Variants in DEUP1 observed in about 807,000 individuals in gnomAD.
The protein encoded by DEUP1 is coiled-coil domain containing 67.
A neutral mutation model predicts 87.4 loss-of-function variants in DEUP1; 82 were observed. The ratio of observed to expected loss-of-function variants is 0.94; its 90% confidence interval spans 0.78 to 1.13. DEUP1 has a LOEUF of 1.13. Ranked by LOEUF, DEUP1 falls within the 50% of genes most tolerant of loss-of-function variation. The probability of loss-of-function intolerance (pLI) is 0.00; values close to 1 mark genes in which losing one functional copy is unlikely to be tolerated. For synonymous variants in DEUP1, 214 were observed against 222.7 expected (o/e 0.96, Z 0.35); for missense variants, 663 against 681.5 (o/e 0.97, Z 0.30).
chr11:93,415,802 T>C (rs997337568), intron 13 of DEUP1, among the ~76,000 whole-genome samples: 1 of 152,138 alleles, frequency 6.6e-6, no homozygotes, highest in Non-Finnish European at 1.5e-5. Flanking sequence ...CATATTGTTT[T>C]ATACAGCTGT....
chr11:93,419,312 A>G (rs934571091), intron 13 of DEUP1, among the ~76,000 whole-genome samples: 1 of 152,206 alleles, frequency 6.6e-6, no homozygotes, highest in Non-Finnish European at 1.5e-5. Flanking sequence ...CAAGACAATT[A>G]AAGGCAACCT....
At chr11:93,361,844 A>T (rs907707872) in intron 4 of DEUP1, among the ~76,000 whole-genome samples, 1 of 152,112 alleles carries the variant, frequency 6.6e-6, no homozygotes, top group African/African-American at 2.4e-5. Flanking sequence ...ACAATAAATT[A>T]AAAAATGACA....
At chr11:93,360,436 T>C (rs1028527776) in intron 4 of DEUP1, among the ~76,000 whole-genome samples, 1 of 152,038 alleles carries the variant, frequency 6.6e-6, no homozygotes, top group African/African-American at 2.4e-5. Flanking sequence ...CAAGAAGATC[T>C]CAACTTGAAT....
intron 7 of DEUP1, among the ~76,000 whole-genome samples, chr11:93,381,400 T>C (rs1385875650): frequency 1.3e-5 from 2 of 152,172 alleles, no homozygotes. Flanking sequence ...AAGACAACAA[T>C]TTACATCTGA....
intron 2 of DEUP1, among the ~76,000 whole-genome samples, chr11:93,337,567 A>T (rs1943836339): frequency 6.6e-6 from 1 of 152,310 alleles, no homozygotes; most frequent in Non-Finnish European, 1.5e-5. Context: ...AGAGTAATCA[A>T]ACTGGACAAG....
chr11:93,336,597 A>G (rs1943777814), intron 2 of DEUP1, among the ~76,000 whole-genome samples: 1 of 145,632 alleles, frequency 6.9e-6, no homozygotes, highest in African/African-American at 2.5e-5. Context: ...CTGAATTCAG[A>G]CTTACATTGT....
At position 93,437,730 on chromosome 11, in the gene DEUP1, T is replaced by C. The variant is rs1948289364; in HGVS notation, c.*11T>C. 1 of 1,507,594 alleles carries C rather than the reference T, an allele frequency of 6.6e-7. No homozygotes were observed. Among genetic ancestry groups the C allele is most frequent in the Non-Finnish European group, 9.1e-7 (1 of 1,098,460 alleles). 93.4% of individuals were successfully genotyped at this position (1,507,594 alleles called of 1,614,324 possible). A position where few individuals can be genotyped will look rare whatever the true frequency, so the allele number is the denominator to read the frequency against. ...AATAGACACATATGAGCTTTTAAAC[T>C]TTTTTATTTGCTTCCCCCCCCCACC... On this transcript the variant is annotated 3_prime_UTR_variant, in exon 14 of 14. Transcript: ENST00000298050.
chr11:93,416,585 A>C (rs1373460870), intron 13 of DEUP1, among the ~76,000 whole-genome samples: 5 of 151,748 alleles, frequency 3.3e-5, no homozygotes. Context: ...TTCACAGCCA[A>C]ATTCTACCAG....
intron 2 of DEUP1, among the ~76,000 whole-genome samples, chr11:93,338,735 C>G (rs1308202236): frequency 2.0e-5 from 3 of 152,040 alleles, no homozygotes; most frequent in Non-Finnish European, 1.5e-5. Context: ...AATGAGTGAA[C>G]TGAAAGAATG....
chr11:93,335,586 G>A (rs573065438), intron 2 of DEUP1, among the ~76,000 whole-genome samples: 2 of 152,228 alleles, frequency 1.3e-5, no homozygotes, highest in South Asian at 4.2e-4. Flanking sequence ...TGCTTGATGT[G>A]TCAAGGTTTA....
chr11:93,428,767 C>T (rs1387646377), intron 13 of DEUP1, among the ~76,000 whole-genome samples: 1 of 152,126 alleles, frequency 6.6e-6, no homozygotes, highest in South Asian at 2.1e-4. Flanking sequence ...GATTTCATTA[C>T]CCTGGTCATA....
intron 10 of DEUP1, among the ~76,000 whole-genome samples, chr11:93,395,839 G>A (rs1946926228): frequency 6.6e-6 from 1 of 152,134 alleles, no homozygotes; most frequent in Non-Finnish European, 1.5e-5. Context: ...AATTAAACAT[G>A]AAAGTTATGT....
Position 93,429,619 on chromosome 11 carries a change from A to G in DEUP1, c.1639-7924A>G, listed in dbSNP as rs1948040888. On this transcript the variant is annotated intron_variant, in intron 13 of 13. Coordinates refer to ENST00000298050, the MANE Select transcript of DEUP1 (RefSeq NM_181645.4). ...TTGCCTTTTTTCATAGCACTTCACT[A>G]TGAGACATTTTGTTGCTTGCCCTCC... 4.6e-5 allele frequency among the ~76,000 whole-genome samples: 7 copies of G among 152,096 alleles called. No individual in the cohort carries two copies. The South Asian group carries it at 6.2e-4, about 14-fold the overall frequency.
intron 11 of DEUP1, among the ~76,000 whole-genome samples, chr11:93,402,669 C>G (rs1377136491): frequency 6.6e-6 from 1 of 151,750 alleles, no homozygotes; most frequent in Non-Finnish European, 1.5e-5. Flanking sequence ...GAATATTATT[C>G]AGCCAGAAAA....
rs1368353545 is a variant in DEUP1 at position 93,355,246 on chromosome 11, T to C, written c.30-125T>C. ...AATTAACCTTCAGCTTTTGAACTTA[T>C]TCCTATTTAAATAATTGAACAATTT... On this transcript the variant is annotated intron_variant, in intron 2 of 13. Transcript: ENST00000298050. 5 of 860,820 alleles carry C rather than the reference T, an allele frequency of 5.8e-6. No individual in the cohort carries two copies. The Admixed American group carries it at 1.5e-4, about 25-fold the overall frequency. The allele number at this position is 860,820 out of a possible 1,614,324, so 53.3% of individuals were successfully genotyped here. A position where few individuals can be genotyped will look rare whatever the true frequency, so the allele number is the denominator to read the frequency against.
At chr11:93,351,723 T>C (rs1322744723) in intron 2 of DEUP1, among the ~76,000 whole-genome samples, 1 of 152,238 alleles carries the variant, frequency 6.6e-6, no homozygotes, top group Admixed American at 6.5e-5. Context: ...CCTCTGGGCC[T>C]AACATTCCTC....
intron 5 of DEUP1, among the ~76,000 whole-genome samples, chr11:93,365,378 T>G (rs1945363867): frequency 6.6e-6 from 1 of 152,110 alleles, no homozygotes; most frequent in Admixed American, 6.6e-5. Context: ...TCTAGGAAAA[T>G]GCACTGTGTT....
intron 7 of DEUP1, among the ~76,000 whole-genome samples, chr11:93,373,585 A>G (rs1565316067): frequency 1.7e-4 from 24 of 142,526 alleles, no homozygotes; most frequent in Admixed American, 2.9e-4. Flanking sequence ...ATATATACAT[A>G]TATATATACG....
At chr11:93,363,779 T>C (rs1042768649) in intron 4 of DEUP1, among the ~76,000 whole-genome samples, 2 of 152,018 alleles carry the variant, frequency 1.3e-5, no homozygotes, top group South Asian at 4.1e-4. Context: ...ATAAGCTAGT[T>C]ATTTTGTAGA....
Sources: gnomAD v4.1 joint callset for allele counts (sites outside exome capture counted in the v4.1 genomes callset) on GRCh38, gnomAD v4.1.1 for gene constraint, MANE v1.5 for transcripts, NCBI Gene and HGNC (gene_info 2026-07-23, HGNC 2026-07-21) for gene names.